PPP5C: variants seen among roughly 807,000 people sequenced by gnomAD.
PPP5C encodes protein phosphatase 5 catalytic subunit.
Under a neutral mutation model 66.7 loss-of-function variants are expected in PPP5C, and 21 were observed. That is an observed-to-expected ratio of 0.31 (90% CI 0.22 to 0.45). PPP5C has a LOEUF of 0.45. Among genes scored for constraint, PPP5C ranks in the 20% least tolerant of loss-of-function variants. The pLI, the probability that PPP5C is intolerant of heterozygous loss-of-function variation, is 1.00. For missense variants in PPP5C, 464 were observed against 675.9 expected (o/e 0.69, Z 3.48); for synonymous variants, 246 against 257.4 (o/e 0.96, Z 0.43).
At chr19:46,356,430 C>A (rs1424308885) in intron 2 of PPP5C, among the ~76,000 whole-genome samples, 1 of 152,234 alleles carries the variant, frequency 6.6e-6, no homozygotes, top group Non-Finnish European at 1.5e-5. Flanking sequence ...CAGAAGCTCG[C>A]CAGGGAAGCA....
At chr19:46,369,817 T>C (rs2147381785) in intron 2 of PPP5C, among the ~76,000 whole-genome samples, 1 of 150,496 alleles carries the variant, frequency 6.6e-6, no homozygotes, top group South Asian at 2.1e-4. Context: ...TCCCAGCTAC[T>C]CGGGAGGCTG....
intron 4 of PPP5C, among the ~76,000 whole-genome samples, chr19:46,377,747 A>G (rs896434451): frequency 6.6e-6 from 1 of 152,192 alleles, no homozygotes; most frequent in African/African-American, 2.4e-5. Flanking sequence ...TCAATGTCAT[A>G]TGGGCTTACA....
At chr19:46,348,926 T>G (rs1972133680) in intron 1 of PPP5C, among the ~76,000 whole-genome samples, 1 of 152,166 alleles carries the variant, frequency 6.6e-6, no homozygotes, top group South Asian at 2.1e-4. Flanking sequence ...GTAGTGATGT[T>G]GACAGGAGCA....
At chr19:46,386,061 G>A (rs1307968799) in intron 7 of PPP5C, among the ~76,000 whole-genome samples, 2 of 152,162 alleles carry the variant, frequency 1.3e-5, no homozygotes, top group Non-Finnish European at 1.5e-5. Flanking sequence ...GGTTTTGGCC[G>A]GAGTATCTGG....
chr19:46,375,559 C>T (rs773745713), intron 2 of PPP5C, 45 bp from the exon 3 acceptor site: 4 of 1,606,808 alleles, frequency 2.5e-6, no homozygotes, highest in East Asian at 4.5e-5. Flanking sequence ...AACCGCTGTG[C>T]CCCCACCTCA....
intron 2 of PPP5C, among the ~76,000 whole-genome samples, chr19:46,371,427 A>G (rs1352250282): frequency 2.6e-5 from 4 of 152,134 alleles, no homozygotes; most frequent in Non-Finnish European, 5.9e-5. Flanking sequence ...ATGCAGTAAT[A>G]TAACTCATTT....
chr19:46,371,927 G>A (rs1394022763), intron 2 of PPP5C, among the ~76,000 whole-genome samples: 1 of 152,132 alleles, frequency 6.6e-6, no homozygotes, highest in African/African-American at 2.4e-5. Flanking sequence ...GGATCTTGAT[G>A]CTGCTCTATA....
intron 4 of PPP5C, chr19:46,382,713 A>G (rs761120333): frequency 7.5e-5 from 66 of 874,334 alleles, no homozygotes; most frequent in Non-Finnish European, 9.1e-5. Context: ...TCTCCCAAAA[A>G]CAAAGACGTC....
chr19:46,360,172 C>T (rs1184541347), intron 2 of PPP5C, among the ~76,000 whole-genome samples: 1 of 152,116 alleles, frequency 6.6e-6, no homozygotes, highest in Non-Finnish European at 1.5e-5. Flanking sequence ...ACTCAATTGA[C>T]CAGGAAATTT....
At chr19:46,378,154 A>G (rs936870312) in intron 4 of PPP5C, among the ~76,000 whole-genome samples, 2 of 152,230 alleles carry the variant, frequency 1.3e-5, no homozygotes, top group Non-Finnish European at 2.9e-5. Flanking sequence ...ATTTCCTTCC[A>G]GGCAGTAAGT....
chr19:46,376,713 C>T lies in PPP5C; in HGVS notation c.633+139C>T, dbSNP rs747246071. 264 of 1,240,842 alleles carry T rather than the reference C, an allele frequency of 2.1e-4. No individual in the cohort carries two copies. Among genetic ancestry groups the T allele is most frequent in the Non-Finnish European group, 2.8e-4 (254 of 899,010 alleles). 76.9% of individuals were successfully genotyped at this position (1,240,842 alleles called of 1,614,324 possible). A position where few individuals can be genotyped will look rare whatever the true frequency, so the allele number is the denominator to read the frequency against. ...CCAAACAGGAGTCGTGTGCCGGACACTGTGCCGAGGGCTTACCACATGATC... is the reference window on the plus strand; with the variant it reads ...CCAAACAGGAGTCGTGTGCCGGACATTGTGCCGAGGGCTTACCACATGATC... On this transcript the variant is annotated intron_variant, in intron 4 of 12. Transcript: ENST00000012443. This position sits in a 1 kb window ranked among gnomAD's most constrained non-coding sequence, Gnocchi z 5.1.
intron 2 of PPP5C, among the ~76,000 whole-genome samples, chr19:46,371,967 C>T (rs1972601006): frequency 6.6e-6 from 1 of 152,152 alleles, no homozygotes. Context: ...AAAACCCAAG[C>T]AGTTCTGAAG....
chr19:46,389,979 CCATT>C lies in PPP5C; in HGVS notation c.1356-70_1356-67del, dbSNP rs1233915773. On this transcript the variant is annotated intron_variant, in intron 11 of 12. Transcript: ENST00000012443. ...TCTCCCTCTGTCCCTTCTTGCCCAGCCATTCCTTCTCTTAACCCACCAGCCCCAC... is the reference window on the plus strand; with the variant it reads ...TCTCCCTCTGTCCCTTCTTGCCCAGCCCTTCTCTTAACCCACCAGCCCCAC... The C allele has an allele frequency of 8.6e-6, 12 of 1,387,634 alleles. No homozygotes were observed. In the South Asian group the frequency reaches 9.3e-5, roughly 11 times the overall value. The allele number at this position is 1,387,634 out of a possible 1,614,324, so 86.0% of individuals were successfully genotyped here. A position where few individuals can be genotyped will look rare whatever the true frequency, so the allele number is the denominator to read the frequency against.
chr19:46,349,913 A>C (rs541365607), intron 1 of PPP5C, among the ~76,000 whole-genome samples: 1 of 149,602 alleles, frequency 6.7e-6, no homozygotes, highest in East Asian at 2.0e-4. Context: ...CCAGGCATGG[A>C]GGCCATAAGT....
rs754109855 is a variant in PPP5C, at chr19:46,383,512, G to A, written c.699+36G>A. 1.3e-6 allele frequency: 2 copies of A among 1,558,224 alleles called. No individual in the cohort carries two copies. Among genetic ancestry groups the A allele is most frequent in the African/African-American group, 2.7e-5 (2 of 73,582 alleles). ...TGGGGCAGTGCGGGGAGGGCCAGCG[G>A]GGGTGGGCTCTCTGGCTGGGGAGGG... On this transcript the variant is annotated intron_variant, in intron 5 of 12. Coordinates refer to ENST00000012443, the MANE Select transcript of PPP5C (RefSeq NM_006247.4). The surrounding 1 kb of genome is among the most constrained non-coding windows in gnomAD (Gnocchi z 5.0).
chr19:46,361,133 T>TAAAA (rs1972379659), intron 2 of PPP5C, among the ~76,000 whole-genome samples: 2 of 144,546 alleles, frequency 1.4e-5, no homozygotes, highest in African/African-American at 5.1e-5. Flanking sequence ...AAGAAAATTT[T>TAAAA]TTTTTTTTTT....
At chr19:46,348,045 T>C (rs933099648) in intron 1 of PPP5C, among the ~76,000 whole-genome samples, 2 of 151,070 alleles carry the variant, frequency 1.3e-5, no homozygotes, top group East Asian at 1.9e-4. Context: ...AGAATAAGGG[T>C]TGGAGGCTAC....
At chr19:46,347,264 G>T (rs781637493) in intron 1 of PPP5C, 47 bp downstream of exon 1, 1 of 1,550,194 alleles carries the variant, frequency 6.5e-7, no homozygotes, top group African/African-American at 1.4e-5. Flanking sequence ...AGGCTGAGGG[G>T]TGCCGGGCCC....
In PPP5C at chr19:46,353,789, A is replaced by G. The variant is rs758539597; in HGVS notation, c.163A>G (p.Ile55Val). ...CGCCATCAAGTTCTACAGCCAGGCCATCGAGCTGAACCCCAGCAATGCCAT... is the reference window on the plus strand; with the variant it reads ...CGCCATCAAGTTCTACAGCCAGGCCGTCGAGCTGAACCCCAGCAATGCCAT... ...ENAIKFYSQA[I>V]ELNPSNAIYY... is the part of the protein sequence containing the mutation. Residue 55 changes from isoleucine to valine, a missense_variant, in exon 2 of 13, where the codon ATC (isoleucine) becomes GTC (valine). By Grantham distance (29) the Ile-to-Val change is conservative. Transcript: ENST00000012443. The G allele has an allele frequency of 6.2e-7, 1 of 1,614,160 alleles. No individual in the cohort carries two copies. Among genetic ancestry groups the G allele is most frequent in the South Asian group, 1.1e-5 (1 of 91,082 alleles).
Sources: gnomAD v4.1 joint callset for allele counts (sites outside exome capture counted in the v4.1 genomes callset) on GRCh38, gnomAD v4.1.1 for gene constraint, Gnocchi (gnomAD v3.1) non-coding constraint, MANE v1.5 for transcripts, NCBI Gene and HGNC (gene_info 2026-07-23, HGNC 2026-07-21) for gene names.